The following UBR3 variants were observed in gnomAD, a reference collection of about 807,000 sequenced individuals.
UBR3 encodes the protein E3 ubiquitin-protein ligase UBR3.
In UBR3, 85 loss-of-function variants were observed where a neutral mutation model predicts 243.2. That is an observed-to-expected ratio of 0.35 (90% CI 0.29 to 0.42). The LOEUF is 0.42. Among genes scored for constraint, UBR3 ranks in the 10% least tolerant of loss-of-function variants. The pLI is 1.00. For missense variants in UBR3, 1,686 were observed against 2,300.8 expected, an observed-to-expected ratio of 0.73 and a Z score of 5.47; for synonymous variants, 748 against 799.8, an observed-to-expected ratio of 0.94 and a Z score of 1.09.
chr2:170,046,487 G>C (rs1404363142), intron 32 of UBR3, among the ~76,000 whole-genome samples: 2 of 152,084 alleles, frequency 1.3e-5, no homozygotes, highest in African/African-American at 4.8e-5. Flanking sequence ...ATAATAACAT[G>C]ATCTTCTGTC....
chr2:170,050,553 T>C (rs1464843524), intron 32 of UBR3, among the ~76,000 whole-genome samples: 1 of 152,244 alleles, frequency 6.6e-6, no homozygotes, highest in Non-Finnish European at 1.5e-5. Context: ...TAAGTATTGA[T>C]CTTCCTTTGT....
At chr2:169,956,742 A>C (rs1305744611) in intron 23 of UBR3, among the ~76,000 whole-genome samples, 1 of 152,150 alleles carries the variant, frequency 6.6e-6, no homozygotes, top group Non-Finnish European at 1.5e-5. Flanking sequence ...CACTAATTTC[A>C]TGGGAGCAAA....
Position 170,019,338 on chromosome 2 carries a change from A to G in UBR3, c.4453+3972A>G, listed in dbSNP as rs543313310. On this transcript the variant is annotated intron_variant, in intron 30 of 38. Transcript: ENST00000272793. ...CAACCCAGCTTAGATCTGTGCAGGCAACTTAAAATAGTTCTACTTGCTCAA... is the reference window on the plus strand; with the variant it reads ...CAACCCAGCTTAGATCTGTGCAGGCGACTTAAAATAGTTCTACTTGCTCAA... 3.2e-4 allele frequency among the ~76,000 whole-genome samples: 49 copies of G among 152,314 alleles called. 1 individual carries two copies. Among genetic ancestry groups the G allele is most frequent in the African/African-American group, 1.2e-3 (48 of 41,574 alleles).
At chr2:169,871,631 C>CCAG (rs2083441442) in intron 1 of UBR3, among the ~76,000 whole-genome samples, 1 of 149,674 alleles carries the variant, frequency 6.7e-6, no homozygotes, top group Non-Finnish European at 1.5e-5. Flanking sequence ...ACCTGTAGTC[C>CCAG]CAGCTACTTG....
intron 13 of UBR3, 90 bp downstream of exon 13, chr2:169,924,263 G>T: frequency 1.0e-6 from 1 of 973,558 alleles, no homozygotes. Context: ...TGTTATTATA[G>T]CTGAGATGTT....
chr2:170,074,841 G>T (rs1242073515), intron 36 of UBR3, among the ~76,000 whole-genome samples: 1 of 151,956 alleles, frequency 6.6e-6, no homozygotes, highest in African/African-American at 2.4e-5. Context: ...ATCTGAATGG[G>T]GGCTCCACGA....
rs574047907 is a variant in UBR3 at position 169,877,445 on chromosome 2, A to C, written c.845-49A>C. On this transcript the variant is annotated intron_variant, in intron 3 of 38. Coordinates refer to ENST00000272793, the MANE Select transcript of UBR3 (RefSeq NM_172070.4). ...ACTAGTTAATGAAAAGACCATACTG[A>C]GATTTTGAATGGAATATTTTTTTCT... 2.2e-5 allele frequency: 32 copies of C among 1,476,746 alleles called. No individual in the cohort carries two copies. In the African/African-American group the frequency reaches 4.1e-4, roughly 19 times the overall value. The allele number at this position is 1,476,746 out of a possible 1,614,324, so 91.5% of individuals were successfully genotyped here.
At chr2:170,081,461 C>A (rs1456059542) in intron 38 of UBR3, among the ~76,000 whole-genome samples, 1 of 151,894 alleles carries the variant, frequency 6.6e-6, no homozygotes, top group East Asian at 1.9e-4. Flanking sequence ...GATCGTGCCA[C>A]TGCACTCCAG....
intron 3 of UBR3, among the ~76,000 whole-genome samples, chr2:169,877,098 A>G (rs2083648171): frequency 6.6e-6 from 1 of 152,208 alleles, no homozygotes; most frequent in African/African-American, 2.4e-5. Flanking sequence ...CATGCTTGGT[A>G]TTACGAGAGC....
intron 19 of UBR3, among the ~76,000 whole-genome samples, chr2:169,934,119 A>G (rs891581646): frequency 6.6e-6 from 1 of 152,164 alleles, no homozygotes; most frequent in African/African-American, 2.4e-5. Flanking sequence ...TTTAATACTT[A>G]TCTCAATTCT....
chr2:170,065,613 AT>A (rs900024164), intron 35 of UBR3, among the ~76,000 whole-genome samples: 60 of 151,036 alleles, frequency 4.0e-4, no homozygotes, highest in Non-Finnish European at 6.1e-4. Flanking sequence ...AGTCTGGAGC[AT>A]TTTTTTTTAT....
Position 169,914,091 on chromosome 2 carries a change from G to A in UBR3, c.1811G>A (p.Arg604Lys), listed in dbSNP as rs796849719. Residue 604 changes from arginine (R) to lysine (K), a missense_variant, in exon 11 of 39, where the codon AGA becomes AAA. Arg to Lys is a conservative substitution (Grantham distance 26, BLOSUM62 2). Around this residue, in one of 8 missense-constraint regions of UBR3, gnomAD observed 346 missense variants for 585.8 expected, o/e 0.59. Transcript: ENST00000272793. Reference sequence around the variant, plus strand: ...CAAGAGTATACCCGAAATGTTGTTAGATATTGCCTTGAAGCTCTTCAAGAC... The same window carrying A: ...CAAGAGTATACCCGAAATGTTGTTAAATATTGCCTTGAAGCTCTTCAAGAC... Reference protein sequence around the residue: ...ETQEYTRNVVRYCLEALQDWF... With the variant: ...ETQEYTRNVVKYCLEALQDWF... The A allele has an allele frequency of 6.6e-7, 1 of 1,508,428 alleles. No individual in the cohort carries two copies. The highest frequency in any genetic ancestry group is 1.4e-5 in the African/African-American group (1 of 71,250). The allele number at this position is 1,508,428 out of a possible 1,614,324, so 93.4% of individuals were successfully genotyped here. A position where few individuals can be genotyped will look rare whatever the true frequency, so the allele number is the denominator to read the frequency against.
chr2:170,081,372 C>T (rs1574493330), intron 38 of UBR3, among the ~76,000 whole-genome samples: 1 of 151,838 alleles, frequency 6.6e-6, no homozygotes, highest in Admixed American at 6.6e-5. Flanking sequence ...TGGTGGCGGG[C>T]CCCTATAGTC....
At chr2:169,891,331 G>A (rs1416199366) in intron 6 of UBR3, 100 bp downstream of exon 6, 2 of 807,830 alleles carry the variant, frequency 2.5e-6, no homozygotes, top group Non-Finnish European at 3.9e-6. Context: ...TGACATCAAA[G>A]CTGTTTGAAG....
chr2:169,951,396 T>C (rs536133078), intron 23 of UBR3, among the ~76,000 whole-genome samples: 6 of 152,282 alleles, frequency 3.9e-5, no homozygotes, highest in Admixed American at 6.5e-5. Flanking sequence ...TTCTCATTCA[T>C]TGGGTGTCAG....
rs911444377 is a variant in UBR3 at position 170,065,898 on chromosome 2, T to C, written c.5019+4455T>C. On this transcript the variant is annotated intron_variant, in intron 35 of 38. Coordinates refer to ENST00000272793, the MANE Select transcript of UBR3 (RefSeq NM_172070.4). ...TGTCTTAGTGCACATCCAGTACTAT[T>C]TTGAGCCGTGGAAGTGATAGGTAGT... 5.3e-5 allele frequency among the ~76,000 whole-genome samples: 8 copies of C among 152,074 alleles called. No homozygotes were observed. The East Asian group carries it at 1.5e-3, about 29-fold the overall frequency.
At chr2:169,972,749 T>C (rs1200126887) in intron 24 of UBR3, among the ~76,000 whole-genome samples, 2 of 151,880 alleles carry the variant, frequency 1.3e-5, no homozygotes, top group Non-Finnish European at 2.9e-5. Flanking sequence ...AAATTAGGTA[T>C]TGATGGGACG....
chr2:169,970,235 G>GTTTTTTT (rs531832498), intron 24 of UBR3, among the ~76,000 whole-genome samples: 13 of 85,590 alleles, frequency 1.5e-4, no homozygotes, highest in Non-Finnish European at 2.3e-4. Flanking sequence ...TTGTTCCTAG[G>GTTTTTTT]TTTTTTTTTT....
At chr2:170,034,962 A>G (rs1269635998) in intron 31 of UBR3, among the ~76,000 whole-genome samples, 5 of 151,308 alleles carry the variant, frequency 3.3e-5, no homozygotes, top group African/African-American at 9.7e-5. Flanking sequence ...AAGCATCTGT[A>G]TATCTTCTTT....
Sources: gnomAD v4.1 joint callset for allele counts (sites outside exome capture counted in the v4.1 genomes callset) on GRCh38, gnomAD v4.1.1 for gene constraint, gnomAD v4.1.1 regional missense constraint, MANE v1.5 for transcripts, NCBI Gene and HGNC (gene_info 2026-07-23, HGNC 2026-07-21) for gene names.